CTNNA2: variants seen among roughly 807,000 people sequenced by gnomAD.
CTNNA2 encodes the protein catenin alpha-2.
CTNNA2 carries 42 observed loss-of-function variants against 101.0 expected under a neutral mutation model. The observed-to-expected ratio is 0.42, with a 90% CI of 0.32 to 0.54. The LOEUF (loss-of-function observed/expected upper bound fraction) is 0.54, where lower values mean the gene tolerates loss of function less well. Among genes scored for constraint, CTNNA2 ranks in the 20% least tolerant of loss-of-function variants. The probability of loss-of-function intolerance (pLI) is 0.14; values close to 1 mark genes in which losing one functional copy is unlikely to be tolerated. For missense variants in CTNNA2, 871 were observed against 1,223.1 expected, an observed-to-expected ratio of 0.71 and a Z score of 4.29; for synonymous variants, 450 against 456.4, an observed-to-expected ratio of 0.99 and a Z score of 0.18.
At chr2:80,249,103 G>T (rs1409389019) in intron 7 of CTNNA2, among the ~76,000 whole-genome samples, 1 of 152,090 alleles carries the variant, frequency 6.6e-6, no homozygotes, top group African/African-American at 2.4e-5. Flanking sequence ...TGATGATGTG[G>T]TTTCATTTCC....
chr2:79,819,472 G>T (rs1022091548), intron 3 of CTNNA2, among the ~76,000 whole-genome samples: 1 of 152,194 alleles, frequency 6.6e-6, no homozygotes, highest in Admixed American at 6.5e-5. Flanking sequence ...ACTTGGGGAT[G>T]ATAGGCACTT....
At chr2:79,268,136 G>T (rs1399201791) in intron 2 of CTNNA2, among the ~76,000 whole-genome samples, 2 of 152,106 alleles carry the variant, frequency 1.3e-5, no homozygotes, top group Admixed American at 1.3e-4. Context: ...AGTGAATTCT[G>T]CTAAAAACAA....
intron 3 of CTNNA2, among the ~76,000 whole-genome samples, chr2:79,825,455 G>A (rs1302986984): frequency 6.6e-6 from 1 of 151,588 alleles, no homozygotes; most frequent in African/African-American, 2.4e-5. Flanking sequence ...AAAATATGGA[G>A]GTTGCGAGGG....
At chr2:79,922,904 T>C (rs967334947) in intron 7 of CTNNA2, among the ~76,000 whole-genome samples, 1 of 152,178 alleles carries the variant, frequency 6.6e-6, no homozygotes, top group Non-Finnish European at 1.5e-5. Context: ...AGAGACAACA[T>C]TGGATTTTCG....
intron 7 of CTNNA2, among the ~76,000 whole-genome samples, chr2:80,085,078 G>A (rs893968341): frequency 1.3e-5 from 2 of 152,042 alleles, no homozygotes; most frequent in Non-Finnish European, 2.9e-5. Context: ...TATGAGCATG[G>A]AAAACACATT....
intron 3 of CTNNA2, among the ~76,000 whole-genome samples, chr2:79,745,478 A>C (rs1671581921): frequency 6.6e-6 from 1 of 152,044 alleles, no homozygotes; most frequent in Non-Finnish European, 1.5e-5. Flanking sequence ...AACTACTTGT[A>C]AGTGTACAGT....
chr2:80,099,322 A>G (rs780321347), intron 7 of CTNNA2, among the ~76,000 whole-genome samples: 2 of 152,138 alleles, frequency 1.3e-5, no homozygotes, highest in Non-Finnish European at 2.9e-5. Flanking sequence ...CTTGGGTTGC[A>G]TTAATAAGTA....
At position 79,736,285 on chromosome 2, in the gene CTNNA2, C is replaced by A. The variant is rs574240691; in HGVS notation, c.103-8102C>A. On this transcript the variant is annotated intron_variant, in intron 2 of 18. Transcript: ENST00000402739. ...AGTATACCAGAAGGTAAGCGTATAT[C>A]TTTTTATATATTTTATGAGGAAAAG... 5.3e-5 allele frequency among the ~76,000 whole-genome samples: 8 copies of A among 152,074 alleles called. No homozygotes were observed. The East Asian group carries it at 1.5e-3, about 29-fold the overall frequency.
At chr2:79,958,952 A>G (rs1436571193) in intron 7 of CTNNA2, among the ~76,000 whole-genome samples, 1 of 152,200 alleles carries the variant, frequency 6.6e-6, no homozygotes, top group African/African-American at 2.4e-5. Context: ...GATCCTGATA[A>G]AAGTCCAAAG....
intron 2 of CTNNA2, among the ~76,000 whole-genome samples, chr2:79,691,958 C>T (rs146030543): frequency 0.017 from 2,590 of 152,190 alleles, 65 homozygotes; most frequent in African/African-American, 0.051. Context: ...AGGACATAGG[C>T]ATGGGCAAAG....
chr2:80,191,747 G>A (rs182684162), intron 7 of CTNNA2, among the ~76,000 whole-genome samples: 17 of 152,248 alleles, frequency 1.1e-4, no homozygotes, highest in East Asian at 1.9e-4. Flanking sequence ...GAGTTATTAC[G>A]TATATATTTC....
At chr2:79,343,331 G>A (rs994583601) in intron 3 of CTNNA2, among the ~76,000 whole-genome samples, 1 of 152,106 alleles carries the variant, frequency 6.6e-6, no homozygotes, top group Admixed American at 6.6e-5. Context: ...AATAGAATAT[G>A]TGTGGAAAGA....
At chr2:79,881,523 T>C (rs926620286) in intron 6 of CTNNA2, among the ~76,000 whole-genome samples, 4 of 152,188 alleles carry the variant, frequency 2.6e-5, no homozygotes, top group African/African-American at 9.6e-5. Flanking sequence ...ATATTTAGAA[T>C]AGTTAGCTTT....
chr2:79,948,776 G>T, intron 7 of CTNNA2, among the ~76,000 whole-genome samples: 1 of 152,102 alleles, frequency 6.6e-6, no homozygotes, highest in African/African-American at 2.4e-5. Context: ...ACACCATCCT[G>T]GCTAACACGG....
At chr2:80,262,637 T>C (rs1164560017) in intron 7 of CTNNA2, among the ~76,000 whole-genome samples, 1 of 152,122 alleles carries the variant, frequency 6.6e-6, no homozygotes, top group African/African-American at 2.4e-5. Context: ...TCTACACATA[T>C]GCATTCCGGG....
At chr2:80,505,511 T>C (rs1688204683) in intron 9 of CTNNA2, among the ~76,000 whole-genome samples, 1 of 152,234 alleles carries the variant, frequency 6.6e-6, no homozygotes, top group African/African-American at 2.4e-5. Flanking sequence ...ATATCAACAA[T>C]TGTCCACTTT....
At chr2:79,558,205 T>C (rs1674560087) in intron 1 of CTNNA2, among the ~76,000 whole-genome samples, 1 of 151,974 alleles carries the variant, frequency 6.6e-6, no homozygotes, top group African/African-American at 2.4e-5. Context: ...ACAAGTGTTC[T>C]TAAGTCAACA....
At chr2:79,760,661 C>G (rs1672729127) in intron 3 of CTNNA2, among the ~76,000 whole-genome samples, 1 of 152,132 alleles carries the variant, frequency 6.6e-6, no homozygotes, top group Non-Finnish European at 1.5e-5. Context: ...GTTACTAATG[C>G]CTGACCAACT....
At chr2:80,119,091 GT>G (rs1461750478) in intron 7 of CTNNA2, among the ~76,000 whole-genome samples, 2 of 152,200 alleles carry the variant, frequency 1.3e-5, no homozygotes, top group Admixed American at 1.3e-4. Context: ...AACCACGGTT[GT>G]TTTAGCAAAG....
Sources: gnomAD v4.1 joint callset for allele counts (sites outside exome capture counted in the v4.1 genomes callset) on GRCh38, gnomAD v4.1.1 for gene constraint, MANE v1.5 for transcripts, NCBI Gene and HGNC (gene_info 2026-07-23, HGNC 2026-07-21) for gene names.